TFDP2: variants seen among roughly 807,000 people sequenced by gnomAD.
The protein encoded by TFDP2 is transcription factor Dp-2.
In TFDP2, 17 loss-of-function variants were observed where a neutral mutation model predicts 59.3. That is an observed-to-expected ratio of 0.29 (90% CI 0.20 to 0.43). The LOEUF is 0.43. TFDP2 is among the 20% of genes least tolerant of loss of function. The pLI, the probability that TFDP2 is intolerant of heterozygous loss-of-function variation, is 1.00. For missense variants in TFDP2, 391 were observed against 528.8 expected, an observed-to-expected ratio of 0.74 and a Z score of 2.56; for synonymous variants, 180 against 194.7, an observed-to-expected ratio of 0.92 and a Z score of 0.63.
chr3:141,974,781 T>TCCTGA (rs34581885), intron 7 of TFDP2, among the ~76,000 whole-genome samples: 1 of 152,128 alleles, frequency 6.6e-6, no homozygotes, highest in African/African-American at 2.4e-5. Flanking sequence ...CAAAATGTGT[T>TCCTGA]CCTTGACCAC....
rs2062059730 is a variant in TFDP2 at position 142,121,862 on chromosome 3, A to C, written c.-92-20021T>G. Among the ~76,000 whole-genome samples, 1 of 152,030 alleles carries C rather than the reference A, an allele frequency of 6.6e-6. No homozygotes were observed. The highest frequency in any genetic ancestry group is 1.5e-5 in the Non-Finnish European group (1 of 68,000). On this transcript the variant is annotated intron_variant, in intron 1 of 12. Coordinates refer to ENST00000489671, the MANE Select transcript of TFDP2 (RefSeq NM_001178139.2). The surrounding 1 kb of genome is among the most constrained non-coding windows in gnomAD (Gnocchi z 4.3). ...AAAAATACGAAGTTAAAAAAAAAAAAACTTCATTGTAGACATTTCTGAGGT... is the reference window on the plus strand; with the variant it reads ...AAAAATACGAAGTTAAAAAAAAAAACACTTCATTGTAGACATTTCTGAGGT...
At chr3:142,084,918 T>A (rs947521402) in intron 3 of TFDP2, among the ~76,000 whole-genome samples, 4 of 151,934 alleles carry the variant, frequency 2.6e-5, no homozygotes, top group African/African-American at 9.7e-5. Flanking sequence ...GATATTAGAT[T>A]TTTTTATTTT....
intron 1 of TFDP2, among the ~76,000 whole-genome samples, chr3:142,148,546 C>T (rs1342211571): frequency 2.0e-5 from 3 of 151,862 alleles, no homozygotes; most frequent in Admixed American, 2.0e-4. Flanking sequence ...ATGAAGAAAC[C>T]GAGATCACAC....
chr3:142,116,266 T>G (rs1577022406), intron 1 of TFDP2, among the ~76,000 whole-genome samples: 1 of 152,148 alleles, frequency 6.6e-6, no homozygotes, highest in Non-Finnish European at 1.5e-5. Context: ...AGTCTCACTA[T>G]GTAGCCGAGG....
intron 9 of TFDP2, among the ~76,000 whole-genome samples, chr3:141,965,593 GAAGGAAAGGA>G (rs372030999): frequency 6.9e-5 from 10 of 145,270 alleles, no homozygotes; most frequent in African/African-American, 1.0e-4. Flanking sequence ...AAGGAAAGGG[GAAGGAAAGGA>G]AAGGAAAGGA....
At chr3:142,126,310 C>G (rs1026188470) in intron 1 of TFDP2, 1 of 151,894 alleles carries the variant, frequency 6.6e-6, no homozygotes. Flanking sequence ...TCCCGAGTAG[C>G]TGGGACTACA....
At chr3:142,105,327 T>C (rs1246670826) in intron 1 of TFDP2, among the ~76,000 whole-genome samples, 1 of 152,140 alleles carries the variant, frequency 6.6e-6, no homozygotes, top group Non-Finnish European at 1.5e-5. Context: ...TGCCCCCAAC[T>C]ACAAATACTA....
rs576215068 is a variant in TFDP2, at chr3:142,104,954, C to T, written c.-92-3113G>A. On this transcript the variant is annotated intron_variant, in intron 1 of 12. Transcript: ENST00000489671. ...AGAGTGGAAAGAGTATGGACTTTGG[C>T]TCCGTCTCAGCTCTGATACTTAGTT... Among the ~76,000 whole-genome samples, 146 of 152,200 alleles carry T rather than the reference C, an allele frequency of 9.6e-4. 1 individual carries two copies. Among genetic ancestry groups the T allele is most frequent in the Non-Finnish European group, 6.6e-4 (45 of 67,998 alleles).
rs111748232 is a variant in TFDP2 at position 142,119,151 on chromosome 3, A to G, written c.-92-17310T>C. Among the ~76,000 whole-genome samples the G allele has an allele frequency of 4.9e-3, 741 of 152,282 alleles. 6 individuals are homozygous for G. Among genetic ancestry groups the G allele is most frequent in the African/African-American group, 0.017 (707 of 41,542 alleles). Reference sequence around the variant, plus strand: ...ACTCCAGACTGGGTGAAAGAGCAAGACACTGTTTCAAAAAAAAAAAGTACA... The same window carrying G: ...ACTCCAGACTGGGTGAAAGAGCAAGGCACTGTTTCAAAAAAAAAAAGTACA... On this transcript the variant is annotated intron_variant, in intron 1 of 12. Transcript: ENST00000489671.
Position 141,948,425 on chromosome 3 carries a change from C to G in TFDP2, c.*4088G>C, listed in dbSNP as rs1935498093. On this transcript the variant is annotated 3_prime_UTR_variant, in exon 13 of 13. Coordinates refer to ENST00000489671, the MANE Select transcript of TFDP2 (RefSeq NM_001178139.2). Reference sequence around the variant, plus strand: ...GGGTGTGGCGGCATGCGCCTATAATCCCAGCTACTTGGGAGGCTGAGGCAG... The same window carrying G: ...GGGTGTGGCGGCATGCGCCTATAATGCCAGCTACTTGGGAGGCTGAGGCAG... 6.6e-6 allele frequency: 1 copy of G among 152,262 alleles called. No individual in the cohort carries two copies. Among genetic ancestry groups the G allele is most frequent in the Non-Finnish European group, 1.5e-5 (1 of 68,190 alleles). 9.4% of individuals were successfully genotyped at this position (152,262 alleles called of 1,614,324 possible).
intron 1 of TFDP2, among the ~76,000 whole-genome samples, chr3:142,137,343 T>G (rs1419930199): frequency 1.3e-5 from 2 of 152,208 alleles, no homozygotes; most frequent in Admixed American, 1.3e-4. Context: ...ACAATTTGAC[T>G]TCCTCTTTTC....
At chr3:142,021,855 C>A (rs1228475460) in intron 3 of TFDP2, among the ~76,000 whole-genome samples, 1 of 151,996 alleles carries the variant, frequency 6.6e-6, no homozygotes, top group Non-Finnish European at 1.5e-5. Context: ...CTTGCAGGGC[C>A]CTTCTCCTTC....
chr3:142,065,642 G>T (rs2060053343), intron 3 of TFDP2, among the ~76,000 whole-genome samples: 1 of 151,802 alleles, frequency 6.6e-6, no homozygotes. Context: ...CTCCTGAGTA[G>T]CTGGGACTAT....
At chr3:141,958,348 C>T (rs762874188) in intron 11 of TFDP2, among the ~76,000 whole-genome samples, 7 of 151,926 alleles carry the variant, frequency 4.6e-5, no homozygotes, top group African/African-American at 9.7e-5. Context: ...ACATGGATGA[C>T]TCTAAAGAAC....
chr3:142,134,308 C>G (rs1278081623), intron 1 of TFDP2, among the ~76,000 whole-genome samples: 2 of 150,120 alleles, frequency 1.3e-5, no homozygotes, highest in Non-Finnish European at 3.0e-5. Context: ...GAGACCGTGC[C>G]ACTGCACTCC....
rs1356085349 is a variant in TFDP2, at chr3:142,098,420, T to C, written c.15+3315A>G. ...TTCACCCCAGATACAATAAATATGT[T>C]GCCAGCTCCTCACCTCTTCCTTTTG... is the stretch of plus-strand genomic sequence containing the variant. On this transcript the variant is annotated intron_variant, in intron 2 of 12. Coordinates refer to ENST00000489671, the MANE Select transcript of TFDP2 (RefSeq NM_001178139.2). Among the ~76,000 whole-genome samples, 3 of 151,600 alleles carry C rather than the reference T, an allele frequency of 2.0e-5. No homozygotes were observed. In the East Asian group the frequency reaches 5.8e-4, roughly 29 times the overall value.
chr3:142,023,286 G>A (rs535122523), intron 3 of TFDP2, among the ~76,000 whole-genome samples: 4 of 151,332 alleles, frequency 2.6e-5, no homozygotes, highest in Non-Finnish European at 4.4e-5. Flanking sequence ...CCGCGTTCAA[G>A]TGAATCTCCT....
At chr3:142,087,171 T>C (rs968184013) in intron 3 of TFDP2, among the ~76,000 whole-genome samples, 9 of 152,082 alleles carry the variant, frequency 5.9e-5, no homozygotes, top group African/African-American at 2.2e-4. Flanking sequence ...TGCCAGAGAG[T>C]AGGAGCAGAG....
Position 141,998,879 on chromosome 3 carries a change from T to TA in TFDP2, c.187-3739dup, listed in dbSNP as rs993653420. Reference sequence around the variant, plus strand: ...TTTATGTGCTACTGCCATCTACAGTTAAAAAAAGCCAAGACAGCATATGTA... The same window carrying TA: ...TTTATGTGCTACTGCCATCTACAGTTAAAAAAAAGCCAAGACAGCATATGTA... On this transcript the variant is annotated intron_variant, in intron 4 of 12. Transcript: ENST00000489671. Among the ~76,000 whole-genome samples, 12 of 152,110 alleles carry TA rather than the reference T, an allele frequency of 7.9e-5. No individual in the cohort carries two copies. The South Asian group carries it at 2.1e-3, about 26-fold the overall frequency.
Sources: allele counts gnomAD v4.1 joint callset (sites outside exome capture counted in the v4.1 genomes callset), GRCh38; gene constraint gnomAD v4.1.1; non-coding constraint Gnocchi (gnomAD v3.1); transcripts MANE v1.5; gene names NCBI Gene and HGNC (gene_info 2026-07-23, HGNC 2026-07-21).